AAMP: variants seen among roughly 807,000 people sequenced by gnomAD.
The protein encoded by AAMP is angio-associated migratory cell protein.
AAMP carries 12 observed loss-of-function variants against 51.1 expected under a neutral mutation model. That is an observed-to-expected ratio of 0.23 (90% CI 0.15 to 0.38). The LOEUF (loss-of-function observed/expected upper bound fraction) is 0.38, where lower values mean the gene tolerates loss of function less well. Among genes scored for constraint, AAMP ranks in the 10% least tolerant of loss-of-function variants. The pLI, the probability that AAMP is intolerant of heterozygous loss-of-function variation, is 1.00. For synonymous variants in AAMP, 210 were observed against 218.7 expected (o/e 0.96, Z 0.35); for missense variants, 418 against 557.2 (o/e 0.75, Z 2.52).
In AAMP at chr2:218,265,425, G is replaced by A. The variant is rs1690600971; in HGVS notation, c.1020C>T (p.Thr340=). The change falls in exon 9 of 11, where the codon ACC becomes ACT. Residue 340 remains threonine, a synonymous_variant. Coordinates refer to ENST00000248450, the MANE Select transcript of AAMP (RefSeq NM_001087.5). The surrounding 1 kb of genome is among the most constrained non-coding windows in gnomAD (Gnocchi z 6.6). ...PLAAVGYLDG[T]LAIYDLATQT... is the part of the protein sequence containing the mutation. ...GCGTAGCCAGGTCATAGATGGCCAA[G>A]GTCCCATCCAGGTAGCCAACAGCTG... The A allele has an allele frequency of 1.3e-6, 2 of 1,565,166 alleles. No individual in the cohort carries two copies. Among genetic ancestry groups the A allele is most frequent in the African/African-American group, 1.4e-5 (1 of 73,704 alleles).
intron 10 of AAMP, 50 bp downstream of exon 10, chr2:218,264,970 T>C: frequency 6.2e-7 from 1 of 1,611,146 alleles, no homozygotes; most frequent in Non-Finnish European, 8.5e-7. Flanking sequence ...TACATACTAC[T>C]GCCACCTTCC....
In AAMP at chr2:218,266,161, C is replaced by G. The variant is rs756855084; in HGVS notation, c.680-14G>C. 5 of 1,612,300 alleles carry G rather than the reference C, an allele frequency of 3.1e-6. No homozygotes were observed. In the African/African-American group the frequency reaches 6.7e-5, roughly 22 times the overall value. On this transcript the variant is annotated splice_polypyrimidine_tract_variant and intron_variant, in intron 5 of 10. Transcript: ENST00000248450. The surrounding 1 kb of genome is among the most constrained non-coding windows in gnomAD (Gnocchi z 4.7). ...CAGCTCTCTTCCCTGAAGAGAGGCA[C>G]AGATGAAGAGAGGGCAGAGGGCACG... is the stretch of plus-strand genomic sequence containing the variant.
chr2:218,267,272 G>C lies in AAMP; in HGVS notation c.394+222C>G, dbSNP rs1690657240. On this transcript the variant is annotated intron_variant, in intron 3 of 10. Transcript: ENST00000248450. The surrounding 1 kb of genome is among the most constrained non-coding windows in gnomAD (Gnocchi z 4.6). ...GCCCGCCTGCTCCTATACCAATGTG[G>C]CCTTCTCTGGCCTTTCCTGGATTCC... 4 of 703,334 alleles carry C rather than the reference G, an allele frequency of 5.7e-6. No individual in the cohort carries two copies. The South Asian group carries it at 7.5e-5, about 13-fold the overall frequency. 43.6% of individuals were successfully genotyped at this position (703,334 alleles called of 1,614,324 possible). A position where few individuals can be genotyped will look rare whatever the true frequency, so the allele number is the denominator to read the frequency against.
In AAMP at chr2:218,267,347, C is replaced by T. The variant is rs574241908; in HGVS notation, c.394+147G>A. ...TCTGTGCCCAAAACACACTAGTATT[C>T]GCCCCGTGTCCCTGGGGCCCAGCAC... is the stretch of plus-strand genomic sequence containing the variant. On this transcript the variant is annotated intron_variant, in intron 3 of 10. Transcript: ENST00000248450. The surrounding 1 kb of genome is among the most constrained non-coding windows in gnomAD (Gnocchi z 4.6). 72 of 1,217,658 alleles carry T rather than the reference C, an allele frequency of 5.9e-5. No homozygotes were observed. Among genetic ancestry groups the T allele is most frequent in the African/African-American group, 9.1e-5 (6 of 66,038 alleles). The allele number at this position is 1,217,658 out of a possible 1,614,324, so 75.4% of individuals were successfully genotyped here. A position where few individuals can be genotyped will look rare whatever the true frequency, so the allele number is the denominator to read the frequency against.
chr2:218,265,169 G>A lies in AAMP; in HGVS notation c.1080C>T (p.Gly360=). Reference sequence around the variant, plus strand: ...CTGCCTCCCACAGCAGCTGCACGATGCCCGACTGCCCCGAGGAATGACAGA... The same window carrying A: ...CTGCCTCCCACAGCAGCTGCACGATACCCGACTGCCCCGAGGAATGACAGA... ...TLRHQCQHQS[G]IVQLLWEAGT... The change falls in exon 10 of 11, where the codon GGC becomes GGT. Residue 360 remains glycine, a synonymous_variant. Transcript: ENST00000248450. The surrounding 1 kb of genome is among the most constrained non-coding windows in gnomAD (Gnocchi z 6.6). 1 of 1,583,788 alleles carries A rather than the reference G, an allele frequency of 6.3e-7. No individual in the cohort carries two copies. The highest frequency in any genetic ancestry group is 1.2e-5 in the South Asian group (1 of 85,858).
In AAMP at chr2:218,266,866, A is replaced by G. The variant is rs1574610453; in HGVS notation, c.515T>C (p.Phe172Ser). The change falls in exon 4 of 11, where the codon TTT (phenylalanine) becomes TCT (serine). Residue 172 changes from phenylalanine (F) to serine (S), a missense_variant. Transcript: ENST00000248450. This position sits in a 1 kb window ranked among gnomAD's most constrained non-coding sequence, Gnocchi z 4.7. ...TCTTACCTCCAGGTCTCCCGCTTCA[A>G]AGGACCAGACCTCCTCCTTAGTGTC... Reference protein sequence around the residue: ...QVDTKEEVWSFEAGDLEWMEW... With the variant: ...QVDTKEEVWSSEAGDLEWMEW... 1 of 1,614,142 alleles carries G rather than the reference A, an allele frequency of 6.2e-7. No individual in the cohort carries two copies. Among genetic ancestry groups the G allele is most frequent in the Non-Finnish European group, 8.5e-7 (1 of 1,180,030 alleles).
Position 218,267,693 on chromosome 2 carries a change from AC to A in AAMP, c.275-81del. 1 of 1,543,506 alleles carries A rather than the reference AC, an allele frequency of 6.5e-7. No individual in the cohort carries two copies. The highest frequency in any genetic ancestry group is 8.9e-7 in the Non-Finnish European group (1 of 1,124,462). ...GTCCTTCACAATCTTCAGGAAACCCACCCCCTTTCACCCAAAGCGTGTCTTT... is the reference window on the plus strand; with the variant it reads ...GTCCTTCACAATCTTCAGGAAACCCACCCCTTTCACCCAAAGCGTGTCTTT... On this transcript the variant is annotated intron_variant, in intron 2 of 10. Coordinates refer to ENST00000248450, the MANE Select transcript of AAMP (RefSeq NM_001087.5). The surrounding 1 kb of genome is among the most constrained non-coding windows in gnomAD (Gnocchi z 4.6).
In AAMP at chr2:218,267,711, C is replaced by T. The variant is rs547044547; in HGVS notation, c.275-98G>A. 40 of 1,480,522 alleles carry T rather than the reference C, an allele frequency of 2.7e-5. No individual in the cohort carries two copies. The highest frequency in any genetic ancestry group is 2.2e-4 in the South Asian group (19 of 85,064). The allele number at this position is 1,480,522 out of a possible 1,614,324, so 91.7% of individuals were successfully genotyped here. A position where few individuals can be genotyped will look rare whatever the true frequency, so the allele number is the denominator to read the frequency against. On this transcript the variant is annotated intron_variant, in intron 2 of 10. Transcript: ENST00000248450. This position sits in a 1 kb window ranked among gnomAD's most constrained non-coding sequence, Gnocchi z 4.6. ...GAAACCCACCCCCTTTCACCCAAAGCGTGTCTTTCCTCCTGGAAAACACAG... is the reference window on the plus strand; with the variant it reads ...GAAACCCACCCCCTTTCACCCAAAGTGTGTCTTTCCTCCTGGAAAACACAG...
chr2:218,268,871 G>A (rs1690706706), intron 2 of AAMP, among the ~76,000 whole-genome samples: 2 of 150,624 alleles, frequency 1.3e-5, no homozygotes. Context: ...GCTAATTTTT[G>A]TATTTTTAGT....
At chr2:218,268,209 C>T (rs1285539937) in intron 2 of AAMP, among the ~76,000 whole-genome samples, 1 of 151,924 alleles carries the variant, frequency 6.6e-6, no homozygotes, top group Non-Finnish European at 1.5e-5. Flanking sequence ...CCTTCTGATC[C>T]ACCCGCCTCG....
Position 218,265,596 on chromosome 2 carries a change from G to A in AAMP, c.966C>T (p.Ser322=). ...GEESESNSVE[S]LGFCSVMPLA... ...TCACTCACACACTGCAGAAGCCCAA[G>A]GACTCCACCGAGTTGGACTCACTCT... The change falls in exon 8 of 11, where the codon TCC becomes TCT. Residue 322 remains serine, a synonymous_variant. Transcript: ENST00000248450. This position sits in a 1 kb window ranked among gnomAD's most constrained non-coding sequence, Gnocchi z 6.6. 1 of 1,613,812 alleles carries A rather than the reference G, an allele frequency of 6.2e-7. No individual in the cohort carries two copies. The highest frequency in any genetic ancestry group is 8.5e-7 in the Non-Finnish European group (1 of 1,179,916).
At chr2:218,264,976 C>T (rs1208024893) in intron 10 of AAMP, 44 bp downstream of exon 10, 1 of 1,612,192 alleles carries the variant, frequency 6.2e-7, no homozygotes, top group East Asian at 2.2e-5. Flanking sequence ...CTACTGCCAC[C>T]TTCCAAATAC....
rs2106172776 is a variant in AAMP, at chr2:218,267,644, G to A, written c.275-31C>T. On this transcript the variant is annotated intron_variant, in intron 2 of 10. Coordinates refer to ENST00000248450, the MANE Select transcript of AAMP (RefSeq NM_001087.5). This position sits in a 1 kb window ranked among gnomAD's most constrained non-coding sequence, Gnocchi z 4.6. ...CCAAGAGATATTCCATGGGTAAGGG[G>A]ACAGAGCTCCCACCTAGGGCTCTGT... is the stretch of plus-strand genomic sequence containing the variant. The A allele has an allele frequency of 6.2e-7, 1 of 1,613,852 alleles. No homozygotes were observed. Among genetic ancestry groups the A allele is most frequent in the Non-Finnish European group, 8.5e-7 (1 of 1,179,812 alleles).
Position 218,266,604 on chromosome 2 carries a change from G to A in AAMP, c.535-17C>T. On this transcript the variant is annotated splice_polypyrimidine_tract_variant and intron_variant, in intron 4 of 10. Transcript: ENST00000248450. This position sits in a 1 kb window ranked among gnomAD's most constrained non-coding sequence, Gnocchi z 4.7. Reference sequence around the variant, plus strand: ...CTCCATCCACTGGACAGGGAGGAAGGGGCAGCAGGGAGGCCCGTCACCCCA... The same window carrying A: ...CTCCATCCACTGGACAGGGAGGAAGAGGCAGCAGGGAGGCCCGTCACCCCA... 6.2e-7 allele frequency: 1 copy of A among 1,603,044 alleles called. No individual in the cohort carries two copies. Among genetic ancestry groups the A allele is most frequent in the Non-Finnish European group, 8.5e-7 (1 of 1,171,888 alleles).
rs1023469109 is a variant in AAMP at position 218,265,919 on chromosome 2, G to A, written c.791C>T (p.Thr264Ile). ...GCCATCCTGGTTGGCAGCAACACAG[G>A]TGAGTGGGCCCTGGTGACCCTCAGT... is the stretch of plus-strand genomic sequence containing the variant. ...KGTEGHQGPL[T>I]CVAANQDGSL... Residue 264 changes from threonine to isoleucine, a missense_variant, in exon 7 of 11, where the codon ACC becomes ATC. Thr to Ile is a moderately conservative substitution (Grantham distance 89). Transcript: ENST00000248450. This position sits in a 1 kb window ranked among gnomAD's most constrained non-coding sequence, Gnocchi z 6.6. The A allele has an allele frequency of 1.9e-6, 3 of 1,614,008 alleles. No homozygotes were observed. Among genetic ancestry groups the A allele is most frequent in the Non-Finnish European group, 2.5e-6 (3 of 1,179,972 alleles).
Position 218,265,711 on chromosome 2 carries a change from C to T in AAMP, c.880-29G>A. On this transcript the variant is annotated intron_variant, in intron 7 of 10. Coordinates refer to ENST00000248450, the MANE Select transcript of AAMP (RefSeq NM_001087.5). The surrounding 1 kb of genome is among the most constrained non-coding windows in gnomAD (Gnocchi z 6.6). The stretch of plus-strand genomic sequence containing the variant: ...AAAGCCAGAGAGGATCAGAGGAGGA[C>T]ACGGAATCCGGGTGCTTGATGGAGA... 1.2e-6 allele frequency: 2 copies of T among 1,605,066 alleles called. No individual in the cohort carries two copies. Among genetic ancestry groups the T allele is most frequent in the Non-Finnish European group, 1.7e-6 (2 of 1,174,272 alleles).
chr2:218,268,948 G>A (rs1690710404), intron 2 of AAMP, among the ~76,000 whole-genome samples: 1 of 151,708 alleles, frequency 6.6e-6, no homozygotes, highest in African/African-American at 2.4e-5. Context: ...CCGCCTGCCT[G>A]GGCCTCCTAA....
Position 218,265,481 on chromosome 2 carries a change from A to G in AAMP, c.984-20T>C. On this transcript the variant is annotated intron_variant, in intron 8 of 10. Transcript: ENST00000248450. The surrounding 1 kb of genome is among the most constrained non-coding windows in gnomAD (Gnocchi z 6.6). ...GGCATCCTGGCCAGAGGAGCGTACC[A>G]TGAAGACTCATGAGGGCCTGGACTC... is the stretch of plus-strand genomic sequence containing the variant. 1 of 1,573,946 alleles carries G rather than the reference A, an allele frequency of 6.4e-7. No individual in the cohort carries two copies. The highest frequency in any genetic ancestry group is 8.7e-7 in the Non-Finnish European group (1 of 1,153,086).
rs1690619395 is a variant in AAMP, at chr2:218,266,037, G to A, written c.763+27C>T. The A allele has an allele frequency of 1.2e-6, 2 of 1,613,052 alleles. No homozygotes were observed. The highest frequency in any genetic ancestry group is 1.7e-6 in the Non-Finnish European group (2 of 1,179,044). On this transcript the variant is annotated intron_variant, in intron 6 of 10. Transcript: ENST00000248450. The surrounding 1 kb of genome is among the most constrained non-coding windows in gnomAD (Gnocchi z 4.7). ...CTCAGCCCCTCCCTACAAAGGCCCA[G>A]GCTAACACTTCCCCCACCTCTGATA...
Sources: allele counts gnomAD v4.1 joint callset (sites outside exome capture counted in the v4.1 genomes callset), GRCh38; gene constraint gnomAD v4.1.1; non-coding constraint Gnocchi (gnomAD v3.1); transcripts MANE v1.5; gene names NCBI Gene and HGNC (gene_info 2026-07-23, HGNC 2026-07-21).